Variants in KCTD8 observed in about 807,000 individuals in gnomAD.
The protein encoded by KCTD8 is BTB/POZ domain-containing protein KCTD8.
In KCTD8, 27 loss-of-function variants were observed where a neutral mutation model predicts 31.5. That is an observed-to-expected ratio of 0.86 (90% confidence interval 0.63 to 1.18). The LOEUF is 1.18. Among genes scored for constraint, KCTD8 ranks in the 50% most tolerant of loss-of-function variants. KCTD8 has a pLI of 0.00. For synonymous variants in KCTD8, 290 were observed against 280.0 expected, an observed-to-expected ratio of 1.04 and a Z score of -0.36; for missense variants, 658 against 647.7, an observed-to-expected ratio of 1.02 and a Z score of -0.17.
chr4:44,209,629 C>A (rs1714422159), intron 1 of KCTD8, among the ~76,000 whole-genome samples: 1 of 151,880 alleles, frequency 6.6e-6, no homozygotes, highest in Non-Finnish European at 1.5e-5. Flanking sequence ...ATAGACATAC[C>A]AGCATTCATT....
intron 1 of KCTD8, among the ~76,000 whole-genome samples, chr4:44,180,753 G>A (rs890409826): frequency 4.6e-5 from 7 of 151,944 alleles, no homozygotes; most frequent in Non-Finnish European, 8.8e-5. Flanking sequence ...TCTAATATTC[G>A]GTTCTTTTTG....
chr4:44,317,228 C>CTTTCTTTTTTT, intron 1 of KCTD8, among the ~76,000 whole-genome samples: 1 of 36,536 alleles, frequency 2.7e-5, no homozygotes, highest in South Asian at 1.5e-3. Flanking sequence ...TGGGTGCTTT[C>CTTTCTTTTTTT]TTTTTTTTTT....
chr4:44,331,614 C>A (rs1476677605), intron 1 of KCTD8, among the ~76,000 whole-genome samples: 2 of 151,116 alleles, frequency 1.3e-5, no homozygotes, highest in African/African-American at 4.9e-5. Flanking sequence ...CACTGCTAAT[C>A]TTTCCTGTTG....
intron 1 of KCTD8, among the ~76,000 whole-genome samples, chr4:44,279,805 C>CAT (rs1426433663): frequency 1.3e-5 from 2 of 152,026 alleles, no homozygotes; most frequent in East Asian, 3.9e-4. Context: ...CACACCACAA[C>CAT]ATATATATAC....
chr4:44,311,045 T>C (rs964709093), intron 1 of KCTD8, among the ~76,000 whole-genome samples: 1 of 141,884 alleles, frequency 7.0e-6, no homozygotes, highest in Non-Finnish European at 1.6e-5. Flanking sequence ...ATCTTGATGA[T>C]TCCTCTTAAG....
At chr4:44,235,371 T>A (rs1047173517) in intron 1 of KCTD8, among the ~76,000 whole-genome samples, 21 of 149,108 alleles carry the variant, frequency 1.4e-4, no homozygotes, top group Admixed American at 1.1e-3. Flanking sequence ...TAATTGAGAC[T>A]AGAATAGATA....
At chr4:44,322,033 G>T (rs1052333756) in intron 1 of KCTD8, among the ~76,000 whole-genome samples, 14 of 151,890 alleles carry the variant, frequency 9.2e-5, no homozygotes, top group Admixed American at 9.2e-4. Context: ...CTGTATCTTG[G>T]CTGTTGTAAA....
chr4:44,388,464 T>C (rs775160586), intron 1 of KCTD8, among the ~76,000 whole-genome samples: 3 of 151,942 alleles, frequency 2.0e-5, no homozygotes, highest in Admixed American at 6.6e-5. Flanking sequence ...TAAATGTCCA[T>C]CAGTGATAGA....
intron 1 of KCTD8, among the ~76,000 whole-genome samples, chr4:44,420,434 G>C (rs540359887): frequency 5.9e-5 from 9 of 152,204 alleles, no homozygotes; most frequent in Middle Eastern, 6.8e-3. Context: ...CTTCTAAAAG[G>C]CCAGACAAAA....
intron 1 of KCTD8, among the ~76,000 whole-genome samples, chr4:44,372,598 G>T (rs1719819214): frequency 6.6e-6 from 1 of 152,078 alleles, no homozygotes; most frequent in African/African-American, 2.4e-5. Flanking sequence ...TCTATGTAAA[G>T]AAACCTTTTT....
intron 1 of KCTD8, among the ~76,000 whole-genome samples, chr4:44,208,008 T>A (rs934394434): frequency 6.6e-6 from 1 of 152,120 alleles, no homozygotes; most frequent in African/African-American, 2.4e-5. Context: ...TTTGGTGACA[T>A]CAGAACTTCT....
chr4:44,330,010 C>T (rs975506313), intron 1 of KCTD8, among the ~76,000 whole-genome samples: 1 of 151,780 alleles, frequency 6.6e-6, no homozygotes, highest in Admixed American at 6.6e-5. Flanking sequence ...CACAATCTAG[C>T]CACTATACCC....
chr4:44,447,984 G>C lies in KCTD8; in HGVS notation c.540C>G (p.Arg180=). 1 of 1,546,536 alleles carries C rather than the reference G, an allele frequency of 6.5e-7. No homozygotes were observed. Among genetic ancestry groups the C allele is most frequent in the South Asian group, 1.2e-5 (1 of 83,342 alleles). ...SQGSSDALLL[R]GAAAAVPSGP... ...CCGAGGGCACGGCGGCCGCCGCCCCGCGCAGCAGCAGCGCGTCGCTGCTAC... is the reference window on the plus strand; with the variant it reads ...CCGAGGGCACGGCGGCCGCCGCCCCCCGCAGCAGCAGCGCGTCGCTGCTAC... The change falls in exon 1 of 2, where the codon CGC becomes CGG. Residue 180 remains arginine (R), a synonymous_variant. Transcript: ENST00000360029.
At chr4:44,446,047 C>T (rs1027836886) in intron 1 of KCTD8, among the ~76,000 whole-genome samples, 2 of 152,170 alleles carry the variant, frequency 1.3e-5, no homozygotes, top group African/African-American at 4.8e-5. Context: ...ATTCAGTGGA[C>T]AGACACTTCA....
chr4:44,419,596 C>T (rs532023803), intron 1 of KCTD8, among the ~76,000 whole-genome samples: 2 of 152,028 alleles, frequency 1.3e-5, no homozygotes, highest in Admixed American at 1.3e-4. Context: ...CAAACTATCA[C>T]AAGGGCAGAA....
At chr4:44,185,527 A>G (rs1713559765) in intron 1 of KCTD8, among the ~76,000 whole-genome samples, 1 of 152,218 alleles carries the variant, frequency 6.6e-6, no homozygotes. Context: ...TCAGTGTAAC[A>G]CAAATAACCC....
chr4:44,291,606 A>C (rs1250793535), intron 1 of KCTD8, among the ~76,000 whole-genome samples: 1 of 152,128 alleles, frequency 6.6e-6, no homozygotes, highest in East Asian at 1.9e-4. Context: ...TTACAACAAA[A>C]ACAAAAATTG....
chr4:44,402,179 T>G (rs113410609), intron 1 of KCTD8, among the ~76,000 whole-genome samples: 64 of 152,294 alleles, frequency 4.2e-4, no homozygotes, highest in African/African-American at 1.3e-3. Context: ...TTCAGAGATT[T>G]ACATATTTAA....
intron 1 of KCTD8, among the ~76,000 whole-genome samples, chr4:44,289,848 C>A (rs1016624399): frequency 1.3e-5 from 2 of 152,128 alleles, no homozygotes; most frequent in East Asian, 3.9e-4. Context: ...GTTGCTCTAA[C>A]CCCAGTTGAC....
Sources: gnomAD v4.1 joint callset for allele counts (sites outside exome capture counted in the v4.1 genomes callset) on GRCh38, gnomAD v4.1.1 for gene constraint, MANE v1.5 for transcripts, NCBI Gene and HGNC (gene_info 2026-07-23, HGNC 2026-07-21) for gene names.